The following NPAS3 variants were observed in gnomAD, a reference collection of about 807,000 sequenced individuals.
NPAS3 encodes the protein neuronal PAS domain protein 3, also known as neuronal PAS domain-containing protein 3.
A neutral mutation model predicts 73.1 loss-of-function variants in NPAS3; 14 were observed. The ratio of observed to expected loss-of-function variants is 0.19; its 90% CI spans 0.13 to 0.30. NPAS3 has a LOEUF of 0.30. Among genes scored for constraint, NPAS3 ranks in the 10% least tolerant of loss-of-function variants. The pLI is 1.00. For missense variants in NPAS3, 1,096 were observed against 1,250.0 expected (o/e 0.88, Z 1.86); for synonymous variants, 620 against 541.5 (o/e 1.14, Z -2.01).
chr14:33,582,970 G>GTTTGTTTTTT (rs1555416780), intron 5 of NPAS3, among the ~76,000 whole-genome samples: 5 of 93,304 alleles, frequency 5.4e-5, no homozygotes, highest in Non-Finnish European at 9.1e-5. Context: ...TATTTAAAGG[G>GTTTGTTTTTT]TTTTTTTTTT....
At chr14:33,505,409 C>A (rs912420789) in intron 4 of NPAS3, among the ~76,000 whole-genome samples, 1 of 151,986 alleles carries the variant, frequency 6.6e-6, no homozygotes, top group African/African-American at 2.4e-5. Flanking sequence ...ACCCTACAGA[C>A]ATGTTCCTTC....
chr14:33,152,157 G>T (rs921435564), intron 2 of NPAS3, among the ~76,000 whole-genome samples: 1 of 151,950 alleles, frequency 6.6e-6, no homozygotes, highest in Non-Finnish European at 1.5e-5. Flanking sequence ...CCTACAGTGC[G>T]CAGGAAAGCC....
intron 2 of NPAS3, among the ~76,000 whole-genome samples, chr14:33,120,626 G>C (rs1158977975): frequency 6.6e-6 from 1 of 152,046 alleles, no homozygotes; most frequent in Non-Finnish European, 1.5e-5. Context: ...TTGGTCCATG[G>C]GCTAATAGCA....
intron 3 of NPAS3, among the ~76,000 whole-genome samples, chr14:33,231,745 C>G (rs1443328614): frequency 6.6e-6 from 1 of 152,060 alleles, no homozygotes; most frequent in Non-Finnish European, 1.5e-5. Context: ...TATTCCTGTT[C>G]TTTATGTGCA....
At chr14:33,793,712 C>T (rs1476379843) in intron 9 of NPAS3, among the ~76,000 whole-genome samples, 185 bp from the exon 10 acceptor site, 1 of 152,130 alleles carries the variant, frequency 6.6e-6, no homozygotes, top group East Asian at 1.9e-4. Flanking sequence ...CCAGAGCTGC[C>T]GCTCCACTGA....
intron 1 of NPAS3, among the ~76,000 whole-genome samples, chr14:32,971,067 A>C (rs946163584): frequency 6.8e-6 from 1 of 147,488 alleles, no homozygotes; most frequent in African/African-American, 2.5e-5. Context: ...AGTGAAAATG[A>C]TTTCTGTGTC....
At chr14:32,981,056 G>C (rs574182339) in intron 1 of NPAS3, among the ~76,000 whole-genome samples, 18 of 152,106 alleles carry the variant, frequency 1.2e-4, no homozygotes, top group Non-Finnish European at 1.9e-4. Context: ...ACTCGGAAAT[G>C]CCTGCAGCCA....
intron 2 of NPAS3, among the ~76,000 whole-genome samples, chr14:33,193,578 C>A (rs1307026886): frequency 1.3e-5 from 2 of 152,286 alleles, no homozygotes; most frequent in East Asian, 3.9e-4. Context: ...ACAATTCTAT[C>A]TGAAAAGTAT....
At chr14:33,750,785 A>G (rs2061941341) in intron 7 of NPAS3, among the ~76,000 whole-genome samples, 1 of 152,220 alleles carries the variant, frequency 6.6e-6, no homozygotes, top group African/African-American at 2.4e-5. Flanking sequence ...TCCAGAGAGC[A>G]GAGTCTAGAG....
intron 5 of NPAS3, among the ~76,000 whole-genome samples, chr14:33,600,854 A>G (rs1276427487): frequency 2.0e-5 from 3 of 152,224 alleles, no homozygotes; most frequent in African/African-American, 4.8e-5. Flanking sequence ...AGCATAGGAA[A>G]AGAGCAATGA....
At chr14:33,534,194 GTACT>G (rs1366232472) in intron 4 of NPAS3, among the ~76,000 whole-genome samples, 1 of 147,192 alleles carries the variant, frequency 6.8e-6, no homozygotes, top group East Asian at 2.0e-4. Flanking sequence ...GCTATGTGTG[GTACT>G]TACTATTTCA....
chr14:33,304,310 T>C (rs2042672559), intron 3 of NPAS3, among the ~76,000 whole-genome samples: 1 of 152,214 alleles, frequency 6.6e-6, no homozygotes, highest in Admixed American at 6.5e-5. Context: ...TCCTTTTTAA[T>C]TCTTTTTAAG....
chr14:32,953,990 AGACTTGTC>A (rs1256101781), intron 1 of NPAS3, among the ~76,000 whole-genome samples: 1 of 152,188 alleles, frequency 6.6e-6, no homozygotes, highest in Non-Finnish European at 1.5e-5. Flanking sequence ...AGAGACATAG[AGACTTGTC>A]TCTCAACAAT....
At chr14:33,019,207 AT>A (rs1418581268) in intron 1 of NPAS3, among the ~76,000 whole-genome samples, 1 of 152,254 alleles carries the variant, frequency 6.6e-6, no homozygotes, top group Non-Finnish European at 1.5e-5. Flanking sequence ...GTTTAGCACA[AT>A]GAAAGTTCTT....
At chr14:32,988,530 A>G (rs1308513685) in intron 1 of NPAS3, among the ~76,000 whole-genome samples, 2 of 152,236 alleles carry the variant, frequency 1.3e-5, no homozygotes, top group Non-Finnish European at 2.9e-5. Flanking sequence ...TTAGGATTCA[A>G]GCTTTCAACT....
chr14:33,560,898 G>A lies in NPAS3; in HGVS notation c.558+688G>A, dbSNP rs577269100. Among the ~76,000 whole-genome samples, 13 of 152,256 alleles carry A rather than the reference G, an allele frequency of 8.5e-5. No homozygotes were observed. In the East Asian group the frequency reaches 1.5e-3, roughly 18 times the overall value. ...TAAGTTCCAGTGAATGCCAAGACAC[G>A]GGCTGCATCTGGTGAATGCCAAAAT... On this transcript the variant is annotated intron_variant, in intron 5 of 11. Transcript: ENST00000356141.
chr14:33,554,996 A>C (rs2055288930), intron 4 of NPAS3, among the ~76,000 whole-genome samples: 1 of 152,152 alleles, frequency 6.6e-6, no homozygotes, highest in African/African-American at 2.4e-5. Context: ...CAGGGGATAT[A>C]AATTATAATT....
intron 3 of NPAS3, among the ~76,000 whole-genome samples, chr14:33,228,387 A>G (rs1269391833): frequency 6.6e-6 from 1 of 152,162 alleles, no homozygotes; most frequent in Admixed American, 6.5e-5. Context: ...GTTAATGTAG[A>G]TATTTCATTG....
chr14:33,308,510 T>TTTTATATATATATATA (rs374327824), intron 3 of NPAS3, among the ~76,000 whole-genome samples: 3 of 83,522 alleles, frequency 3.6e-5, no homozygotes, highest in African/African-American at 1.8e-4. Context: ...ATTGCATAGT[T>TTTTATATATATATATA]TATATATATA....
Sources: gnomAD v4.1 joint callset for allele counts (sites outside exome capture counted in the v4.1 genomes callset) on GRCh38, gnomAD v4.1.1 for gene constraint, MANE v1.5 for transcripts, NCBI Gene and HGNC (gene_info 2026-07-23, HGNC 2026-07-21) for gene names.